EXOC6: variants seen among roughly 807,000 people sequenced by gnomAD.
The protein encoded by EXOC6 is exocyst complex component 6.
A neutral mutation model predicts 112.5 loss-of-function variants in EXOC6; 60 were observed. The observed-to-expected ratio is 0.53, with a 90% CI of 0.43 to 0.66. EXOC6 has a LOEUF of 0.66. Among genes scored for constraint, EXOC6 ranks in the 30% least tolerant of loss-of-function variants. EXOC6 has a pLI of 0.00. For missense variants in EXOC6, 855 were observed against 957.1 expected, an observed-to-expected ratio of 0.89 and a Z score of 1.41; for synonymous variants, 295 against 308.0, an observed-to-expected ratio of 0.96 and a Z score of 0.44.
intron 5 of EXOC6, among the ~76,000 whole-genome samples, chr10:92,904,970 A>G (rs57142156): frequency 0.022 from 3,337 of 152,148 alleles, 57 homozygotes; most frequent in African/African-American, 0.041. Flanking sequence ...TAATTTTTAT[A>G]AAAAGTGAAG....
At chr10:93,013,037 G>A (rs1387572468) in intron 19 of EXOC6, among the ~76,000 whole-genome samples, 1 of 151,692 alleles carries the variant, frequency 6.6e-6, no homozygotes, top group Admixed American at 6.6e-5. Flanking sequence ...AGAAAAAAAA[G>A]AAGAAGAAAA....
At chr10:92,864,840 C>T (rs1232174395) in intron 1 of EXOC6, among the ~76,000 whole-genome samples, 5 of 152,102 alleles carry the variant, frequency 3.3e-5, no homozygotes, top group African/African-American at 7.2e-5. Context: ...ACTGGCTTTC[C>T]TGGTTCTCCA....
At chr10:93,041,039 C>G (rs987145251) in intron 20 of EXOC6, among the ~76,000 whole-genome samples, 1 of 152,180 alleles carries the variant, frequency 6.6e-6, no homozygotes, top group Non-Finnish European at 1.5e-5. Flanking sequence ...GTGTGTGTCC[C>G]GCATGCTGTG....
chr10:92,909,739 C>CT, intron 6 of EXOC6, 108 bp downstream of exon 6: 1 of 685,286 alleles, frequency 1.5e-6, no homozygotes, highest in East Asian at 2.8e-5. Context: ...TTTGTTTTAC[C>CT]TTTTTCTTAT....
At chr10:92,975,680 A>C (rs377181899) in intron 18 of EXOC6, among the ~76,000 whole-genome samples, 40,256 of 89,612 alleles carry the variant, frequency 0.45, 9,997 homozygotes, top group African/African-American at 0.58. Flanking sequence ...TCTGCCCGGC[A>C]GCCCCTACTG....
intron 1 of EXOC6, among the ~76,000 whole-genome samples, chr10:92,890,754 G>T (rs1043757854): frequency 6.6e-6 from 1 of 152,114 alleles, no homozygotes; most frequent in Non-Finnish European, 1.5e-5. Flanking sequence ...CCATGAGGAG[G>T]CCAGTGTTGC....
intron 8 of EXOC6, among the ~76,000 whole-genome samples, chr10:92,923,540 A>G (rs934131736): frequency 2.6e-5 from 4 of 152,232 alleles, no homozygotes; most frequent in Admixed American, 6.5e-5. Flanking sequence ...ATTTGCCTCT[A>G]TGATGGCTGC....
intron 20 of EXOC6, among the ~76,000 whole-genome samples, chr10:93,045,441 G>A (rs538566904): frequency 3.3e-5 from 5 of 152,240 alleles, no homozygotes; most frequent in East Asian, 3.9e-4. Flanking sequence ...CTCTTCCCTC[G>A]TGTTTTTCTT....
intron 17 of EXOC6, among the ~76,000 whole-genome samples, 197 bp downstream of exon 17, chr10:92,955,911 A>G (rs1853670783): frequency 6.6e-6 from 1 of 152,162 alleles, no homozygotes; most frequent in Non-Finnish European, 1.5e-5. Flanking sequence ...GGAGAAAAGT[A>G]TACTTATTTT....
chr10:92,870,021 G>A (rs989043986), intron 1 of EXOC6, among the ~76,000 whole-genome samples: 1 of 140,958 alleles, frequency 7.1e-6, no homozygotes, highest in African/African-American at 2.7e-5. Context: ...GTGCGATCTT[G>A]GCTCACTGCA....
At chr10:92,828,953 T>G (rs968335462) in intron 1 of EXOC6, among the ~76,000 whole-genome samples, 26 of 152,048 alleles carry the variant, frequency 1.7e-4, no homozygotes, top group Admixed American at 1.6e-3. Context: ...TTCCTTTTAA[T>G]GAAAAGCAGC....
chr10:92,947,330 A>G (rs1404790622), intron 13 of EXOC6, among the ~76,000 whole-genome samples: 3 of 152,216 alleles, frequency 2.0e-5, no homozygotes, highest in African/African-American at 7.2e-5. Context: ...TTGGCTCATA[A>G]AGGCTTTAAA....
chr10:92,987,612 G>A (rs367598353), intron 18 of EXOC6: 2 of 984,858 alleles, frequency 2.0e-6, no homozygotes, highest in East Asian at 1.1e-4. Flanking sequence ...TTCCTTCTCA[G>A]ACTAACAACA....
At chr10:92,849,714 G>T (rs1444990788) in intron 1 of EXOC6, among the ~76,000 whole-genome samples, 1 of 152,132 alleles carries the variant, frequency 6.6e-6, no homozygotes, top group Non-Finnish European at 1.5e-5. Flanking sequence ...AATACACCTT[G>T]CCCTTAAGAG....
At chr10:92,989,486 C>T (rs1258471899) in intron 18 of EXOC6, among the ~76,000 whole-genome samples, 1 of 152,182 alleles carries the variant, frequency 6.6e-6, no homozygotes, top group Admixed American at 6.5e-5. Context: ...AGGAAAAATA[C>T]AGTAACTAAA....
intron 8 of EXOC6, among the ~76,000 whole-genome samples, chr10:92,927,322 G>T (rs75355237): frequency 6.6e-6 from 1 of 152,106 alleles, no homozygotes; most frequent in Non-Finnish European, 1.5e-5. Context: ...TTGAGGTATA[G>T]TAATTAATTT....
intron 6 of EXOC6, among the ~76,000 whole-genome samples, chr10:92,913,732 T>TA (rs1450831004): frequency 2.6e-5 from 4 of 152,232 alleles, no homozygotes; most frequent in Non-Finnish European, 4.4e-5. Context: ...TTGCTTTTTT[T>TA]ATGTTCTTAA....
chr10:93,018,500 T>C (rs1384322823), intron 20 of EXOC6, among the ~76,000 whole-genome samples: 1 of 152,210 alleles, frequency 6.6e-6, no homozygotes, highest in African/African-American at 2.4e-5. Flanking sequence ...TCCATTAATT[T>C]TTTTCCTCAT....
intron 9 of EXOC6, among the ~76,000 whole-genome samples, chr10:92,929,101 G>T (rs539100420): frequency 2.8e-4 from 42 of 152,292 alleles, no homozygotes; most frequent in Admixed American, 1.4e-3. Flanking sequence ...CCCACCCAAA[G>T]TAGGTGTCTA....
Sources: allele counts gnomAD v4.1 joint callset (sites outside exome capture counted in the v4.1 genomes callset), GRCh38; gene constraint gnomAD v4.1.1; transcripts MANE v1.5; gene names NCBI Gene and HGNC (gene_info 2026-07-23, HGNC 2026-07-21).